APP: variants seen among roughly 807,000 people sequenced by gnomAD.
APP encodes amyloid beta precursor protein.
Under a neutral mutation model 101.4 loss-of-function variants are expected in APP, and 31 were observed. The observed-to-expected ratio is 0.31, with a 90% confidence interval of 0.23 to 0.41. The LOEUF is 0.41. Ranked by LOEUF, APP falls within the 10% of genes least tolerant of loss-of-function variation. The pLI, the probability that APP is intolerant of heterozygous loss-of-function variation, is 1.00. For synonymous variants in APP, 366 were observed against 364.4 expected (o/e 1.00, Z -0.05); for missense variants, 839 against 1,003.7 (o/e 0.84, Z 2.22).
chr21:26,059,704 T>C lies in APP; in HGVS notation c.356-6356A>G, dbSNP rs184830860. The stretch of plus-strand genomic sequence containing the variant: ...AGGAGTTCGAGACCAGTCTGGCTAA[T>C]ATGGTGAAACCCCGTCTCTACTAAA... On this transcript the variant is annotated intron_variant, in intron 3 of 17. Coordinates refer to ENST00000346798, the MANE Select transcript of APP (RefSeq NM_000484.4). Among the ~76,000 whole-genome samples the C allele has an allele frequency of 4.4e-3, 662 of 151,814 alleles. 6 individuals carry two copies. The highest frequency in any genetic ancestry group is 7.0e-3 in the Non-Finnish European group (477 of 67,880).
At chr21:25,952,764 A>AAACAAACAAACC (rs1273690491) in intron 13 of APP, among the ~76,000 whole-genome samples, 4 of 152,220 alleles carry the variant, frequency 2.6e-5, no homozygotes, top group African/African-American at 9.6e-5. Context: ...ACAAACAAAC[A>AAACAAACAAACC]AACCATGTTT....
intron 11 of APP, among the ~76,000 whole-genome samples, chr21:25,961,430 G>A (rs539473388): frequency 6.6e-6 from 1 of 152,250 alleles, no homozygotes; most frequent in South Asian, 2.1e-4. Flanking sequence ...TCTCAGATTT[G>A]CTGGGTTCAC....
At chr21:26,046,561 C>T (rs1477628004) in intron 5 of APP, among the ~76,000 whole-genome samples, 2 of 151,108 alleles carry the variant, frequency 1.3e-5, no homozygotes, top group African/African-American at 4.9e-5. Flanking sequence ...AAAAAAAAAT[C>T]ATCTAATTAT....
chr21:25,974,286 G>T (rs2042144677), intron 11 of APP, among the ~76,000 whole-genome samples: 1 of 152,066 alleles, frequency 6.6e-6, no homozygotes, highest in Non-Finnish European at 1.5e-5. Flanking sequence ...ACATGATGAG[G>T]GGGCTGGGCA....
chr21:25,910,118 TTTTAC>T (rs1331635723), intron 14 of APP, among the ~76,000 whole-genome samples: 2 of 151,962 alleles, frequency 1.3e-5, no homozygotes, highest in Non-Finnish European at 2.9e-5. Flanking sequence ...TATATATATT[TTTTAC>T]TTTATTTATT....
chr21:26,140,837 T>G (rs2063029625), intron 1 of APP, among the ~76,000 whole-genome samples: 1 of 152,234 alleles, frequency 6.6e-6, no homozygotes, highest in African/African-American at 2.4e-5. Context: ...CAAGAAGTAC[T>G]GCCAAACTTC....
intron 6 of APP, among the ~76,000 whole-genome samples, chr21:26,015,822 A>C (rs1271789298): frequency 6.6e-6 from 1 of 152,236 alleles, no homozygotes; most frequent in East Asian, 1.9e-4. Context: ...GCCAGATAGT[A>C]AATGTTTTCA....
At chr21:26,146,996 A>C (rs1457740542) in intron 1 of APP, among the ~76,000 whole-genome samples, 1 of 152,170 alleles carries the variant, frequency 6.6e-6, no homozygotes, top group Non-Finnish European at 1.5e-5. Context: ...TTTATCTTGC[A>C]CTAATTTCCA....
intron 2 of APP, among the ~76,000 whole-genome samples, chr21:26,101,963 T>C (rs2062066675): frequency 6.6e-6 from 1 of 151,990 alleles, no homozygotes; most frequent in Non-Finnish European, 1.5e-5. Context: ...CCAATAAATA[T>C]AGACTAAATT....
intron 6 of APP, among the ~76,000 whole-genome samples, chr21:26,007,651 A>C (rs2043597225): frequency 6.6e-6 from 1 of 151,870 alleles, no homozygotes; most frequent in Non-Finnish European, 1.5e-5. Context: ...ATTAAAATCA[A>C]ACTTGTATTC....
chr21:26,120,916 A>C (rs555748421), intron 1 of APP, among the ~76,000 whole-genome samples: 34 of 152,328 alleles, frequency 2.2e-4, no homozygotes, highest in African/African-American at 7.9e-4. Context: ...ATGCTACTGC[A>C]ATCACACTCC....
chr21:26,103,779 C>T (rs1333925349), intron 2 of APP, among the ~76,000 whole-genome samples: 4 of 152,308 alleles, frequency 2.6e-5, no homozygotes, highest in Non-Finnish European at 2.9e-5. Context: ...TACCTAACGA[C>T]GACTAGCGTG....
chr21:26,085,499 AT>A (rs971358347), intron 3 of APP, among the ~76,000 whole-genome samples: 23 of 152,184 alleles, frequency 1.5e-4, no homozygotes, highest in Non-Finnish European at 2.5e-4. Context: ...ATGGGCACCA[AT>A]TCTCTAGCAC....
intron 1 of APP, among the ~76,000 whole-genome samples, chr21:26,143,592 T>A (rs1300698762): frequency 6.6e-6 from 1 of 152,230 alleles, no homozygotes; most frequent in African/African-American, 2.4e-5. Context: ...ACATTTACTC[T>A]CGCAGACGTT....
chr21:25,892,103 G>A (rs1196721322), intron 16 of APP, among the ~76,000 whole-genome samples: 1 of 150,028 alleles, frequency 6.7e-6, no homozygotes, highest in Non-Finnish European at 1.5e-5. Flanking sequence ...GATAATCATA[G>A]TTTATAGAAG....
intron 2 of APP, among the ~76,000 whole-genome samples, chr21:26,095,387 T>C (rs1382774282): frequency 1.3e-5 from 2 of 152,234 alleles, no homozygotes; most frequent in Non-Finnish European, 2.9e-5. Flanking sequence ...ATGCTGTACA[T>C]GCTACCTGCC....
intron 17 of APP, among the ~76,000 whole-genome samples, chr21:25,891,028 T>A (rs555266209): frequency 6.6e-6 from 1 of 152,198 alleles, no homozygotes; most frequent in Non-Finnish European, 1.5e-5. Context: ...TAACACTTTT[T>A]CCCCCATCCA....
Position 26,053,403 on chromosome 21 carries a change from C to A in APP, c.356-55G>T. On this transcript the variant is annotated intron_variant, in intron 3 of 17. Transcript: ENST00000346798. ...TTCCATCTGTATCACAGTGTTCTTA[C>A]CGCAGAAGACATCAAGGAAAGATAG... is the stretch of plus-strand genomic sequence containing the variant. 2.4e-6 allele frequency: 3 copies of A among 1,245,622 alleles called. No homozygotes were observed. The South Asian group carries it at 3.6e-5, about 15-fold the overall frequency. The allele number at this position is 1,245,622 out of a possible 1,614,324, so 77.2% of individuals were successfully genotyped here.
intron 11 of APP, among the ~76,000 whole-genome samples, chr21:25,965,957 T>C (rs966952278): frequency 6.6e-6 from 1 of 152,216 alleles, no homozygotes; most frequent in Non-Finnish European, 1.5e-5. Flanking sequence ...GAAGACCTAT[T>C]TGCATTCTGA....
Sources: gnomAD v4.1 joint callset for allele counts (sites outside exome capture counted in the v4.1 genomes callset) on GRCh38, gnomAD v4.1.1 for gene constraint, MANE v1.5 for transcripts, NCBI Gene and HGNC (gene_info 2026-07-23, HGNC 2026-07-21) for gene names.